The following GPC5 variants were observed in gnomAD, a reference collection of about 807,000 sequenced individuals.
GPC5 encodes glypican-5.
GPC5 carries 47 observed loss-of-function variants against 53.9 expected under a neutral mutation model. That is an observed-to-expected ratio of 0.87 (90% CI 0.69 to 1.11). GPC5 has a LOEUF of 1.11. Among genes scored for constraint, GPC5 ranks in the 50% most tolerant of loss-of-function variants. The pLI, the probability that GPC5 is intolerant of heterozygous loss-of-function variation, is 0.00. For missense variants in GPC5, 748 were observed against 713.1 expected (o/e 1.05, Z -0.56); for synonymous variants, 286 against 263.3 (o/e 1.09, Z -0.84).
intron 7 of GPC5, among the ~76,000 whole-genome samples, chr13:92,463,604 A>G (rs1168471722): frequency 7.9e-6 from 1 of 125,944 alleles, no homozygotes; most frequent in East Asian, 2.5e-4. Flanking sequence ...AGTTTGGAGG[A>G]AGATTTTTTT....
intron 5 of GPC5, among the ~76,000 whole-genome samples, chr13:91,844,106 G>C (rs975435002): frequency 1.3e-5 from 2 of 152,134 alleles, no homozygotes; most frequent in Non-Finnish European, 2.9e-5. Flanking sequence ...TAAGAGAATG[G>C]AACAGATGCT....
At chr13:92,184,317 T>A (rs902410519) in intron 7 of GPC5, among the ~76,000 whole-genome samples, 3 of 152,118 alleles carry the variant, frequency 2.0e-5, no homozygotes, top group East Asian at 3.9e-4. Flanking sequence ...AAATCTATTT[T>A]AAAAATCTTC....
At chr13:91,550,254 T>C (rs1355080445) in intron 2 of GPC5, among the ~76,000 whole-genome samples, 1 of 151,838 alleles carries the variant, frequency 6.6e-6, no homozygotes, top group Admixed American at 6.6e-5. Context: ...GGTGAAGGAT[T>C]AATAGGTAGA....
At chr13:91,503,817 A>AATAATCATCATC (rs1555316221) in intron 2 of GPC5, among the ~76,000 whole-genome samples, 79 of 147,418 alleles carry the variant, frequency 5.4e-4, no homozygotes, top group African/African-American at 1.8e-3. Context: ...TAATAATAAT[A>AATAATCATCATC]ATCAGGCTGT....
intron 5 of GPC5, among the ~76,000 whole-genome samples, chr13:91,807,727 T>C (rs1166770136): frequency 6.6e-6 from 1 of 152,118 alleles, no homozygotes; most frequent in Non-Finnish European, 1.5e-5. Flanking sequence ...ATTGATCGCC[T>C]AAACAAAATA....
chr13:91,544,213 T>C (rs1438681985), intron 2 of GPC5, among the ~76,000 whole-genome samples: 1 of 36,568 alleles, frequency 2.7e-5, no homozygotes, highest in Non-Finnish European at 1.3e-4. Context: ...CATTGGCTAA[T>C]TGACTTAGGA....
At position 91,620,584 on chromosome 13, in the gene GPC5, G is replaced by A. The variant is rs550636264; in HGVS notation, c.326-72603G>A. Among the ~76,000 whole-genome samples the A allele has an allele frequency of 1.1e-3, 174 of 152,156 alleles. 2 individuals are homozygous for A. Among genetic ancestry groups the A allele is most frequent in the Non-Finnish European group, 5.1e-4 (35 of 67,966 alleles). Reference sequence around the variant, plus strand: ...AGATTCATTTGTTCACATTGTCATCGCTCATGCCATAAGATGGCTTAAGTT... The same window carrying A: ...AGATTCATTTGTTCACATTGTCATCACTCATGCCATAAGATGGCTTAAGTT... On this transcript the variant is annotated intron_variant, in intron 2 of 7. Transcript: ENST00000377067.
At chr13:92,366,054 T>C (rs1391342262) in intron 7 of GPC5, among the ~76,000 whole-genome samples, 3 of 151,636 alleles carry the variant, frequency 2.0e-5, no homozygotes, top group Admixed American at 2.0e-4. Context: ...AGCAGTAGGT[T>C]TGTCTACACC....
chr13:91,541,639 A>G (rs1229969580), intron 2 of GPC5, among the ~76,000 whole-genome samples: 7 of 151,302 alleles, frequency 4.6e-5, no homozygotes, highest in Non-Finnish European at 1.5e-5. Context: ...GTTACAAAGG[A>G]AAAAAAAAGA....
intron 2 of GPC5, among the ~76,000 whole-genome samples, chr13:91,611,058 G>A (rs1429906717): frequency 1.3e-5 from 2 of 152,084 alleles, no homozygotes; most frequent in South Asian, 2.1e-4. Context: ...CCCACTGGGT[G>A]GTTATGAAAA....
At chr13:91,882,407 A>G (rs953268188) in intron 5 of GPC5, among the ~76,000 whole-genome samples, 3 of 152,002 alleles carry the variant, frequency 2.0e-5, no homozygotes, top group Non-Finnish European at 2.9e-5. Flanking sequence ...TCACAATTAA[A>G]TGTGACATTC....
At chr13:92,642,505 A>C (rs750608789) in intron 7 of GPC5, among the ~76,000 whole-genome samples, 1 of 152,174 alleles carries the variant, frequency 6.6e-6, no homozygotes, top group Non-Finnish European at 1.5e-5. Flanking sequence ...TTAGACTGTG[A>C]GCTCCCTGCT....
chr13:92,833,479 T>A (rs1378869446), intron 7 of GPC5, among the ~76,000 whole-genome samples: 1 of 152,190 alleles, frequency 6.6e-6, no homozygotes, highest in Non-Finnish European at 1.5e-5. Flanking sequence ...ATATATATAT[T>A]CTTCACTCAC....
intron 2 of GPC5, among the ~76,000 whole-genome samples, chr13:91,493,434 A>G (rs1884048506): frequency 6.6e-6 from 1 of 152,122 alleles, no homozygotes. Context: ...AATACTAGGT[A>G]TTATTCATTC....
intron 5 of GPC5, among the ~76,000 whole-genome samples, chr13:91,852,698 A>G (rs1027687719): frequency 7.2e-5 from 11 of 152,228 alleles, no homozygotes; most frequent in South Asian, 4.1e-4. Flanking sequence ...CACCATAAAC[A>G]TGTGAATAAT....
intron 7 of GPC5, among the ~76,000 whole-genome samples, chr13:92,301,889 CTG>C (rs2043078125): frequency 1.3e-5 from 2 of 152,162 alleles, no homozygotes; most frequent in East Asian, 3.9e-4. Flanking sequence ...CAGAGCAAGA[CTG>C]TCTCAAAAAT....
chr13:92,270,376 G>A (rs1475666429), intron 7 of GPC5, among the ~76,000 whole-genome samples: 4 of 152,136 alleles, frequency 2.6e-5, no homozygotes, highest in Admixed American at 6.5e-5. Context: ...GTATTCTCAT[G>A]AGATCTGGTT....
At chr13:92,791,305 TA>T (rs756076007) in intron 7 of GPC5, among the ~76,000 whole-genome samples, 1 of 150,964 alleles carries the variant, frequency 6.6e-6, no homozygotes, top group Non-Finnish European at 1.5e-5. Flanking sequence ...GTCAAGGAAA[TA>T]AAAAATGAGT....
chr13:92,409,825 C>T (rs554314387), intron 7 of GPC5, among the ~76,000 whole-genome samples: 1 of 152,128 alleles, frequency 6.6e-6, no homozygotes, highest in Non-Finnish European at 1.5e-5. Flanking sequence ...AATTATGATA[C>T]ATTTATGGTC....
Sources: gnomAD v4.1 joint callset for allele counts (sites outside exome capture counted in the v4.1 genomes callset) on GRCh38, gnomAD v4.1.1 for gene constraint, MANE v1.5 for transcripts, NCBI Gene and HGNC (gene_info 2026-07-23, HGNC 2026-07-21) for gene names.